Variants in SNTG1 observed in about 807,000 individuals in gnomAD.
SNTG1 encodes the protein gamma-1-syntrophin.
Under a neutral mutation model 74.7 loss-of-function variants are expected in SNTG1, and 39 were observed. The observed-to-expected ratio is 0.52, with a 90% CI of 0.40 to 0.68. SNTG1 has a LOEUF of 0.68. Among genes scored for constraint, SNTG1 ranks in the 30% least tolerant of loss-of-function variants. The pLI is 0.00. For synonymous variants in SNTG1, 254 were observed against 217.1 expected, an observed-to-expected ratio of 1.17 and a Z score of -1.49; for missense variants, 685 against 609.5, an observed-to-expected ratio of 1.12 and a Z score of -1.30.
At chr8:50,117,261 G>A (rs538153259) in intron 1 of SNTG1, among the ~76,000 whole-genome samples, 1 of 152,004 alleles carries the variant, frequency 6.6e-6, no homozygotes, top group African/African-American at 2.4e-5. Flanking sequence ...GACTTGTCAT[G>A]CTGTAAAAAA....
chr8:50,210,737 G>T (rs907020187), intron 2 of SNTG1, among the ~76,000 whole-genome samples: 1 of 152,038 alleles, frequency 6.6e-6, no homozygotes, highest in Admixed American at 6.6e-5. Context: ...AAAACTTAAA[G>T]GATTTTCACT....
chr8:50,536,683 A>T lies in SNTG1; in HGVS notation c.555A>T (p.Thr185=). 6.2e-7 allele frequency: 1 copy of T among 1,613,712 alleles called. No homozygotes were observed. ...AATATTTATCTTCCTTTCAGGACAC[A>T]TTATCATGCTCGTCGTGGCCGACGT... The part of the protein sequence containing the change: ...HLNYHPNNTD[T]LSCSSWPTSP... Residue 185 remains threonine (T), a synonymous_variant, in exon 11 of 19, where the codon ACA becomes ACT. Transcript: ENST00000642720.
intron 18 of SNTG1, among the ~76,000 whole-genome samples, chr8:50,787,564 C>A (rs539078681): frequency 1.3e-5 from 2 of 151,922 alleles, no homozygotes; most frequent in Non-Finnish European, 2.9e-5. Flanking sequence ...ATGTTCACTG[C>A]AGCATTATTC....
At chr8:50,054,433 T>C (rs1819850313) in intron 1 of SNTG1, among the ~76,000 whole-genome samples, 1 of 152,128 alleles carries the variant, frequency 6.6e-6, no homozygotes, top group Non-Finnish European at 1.5e-5. Context: ...TAACCATTAC[T>C]TATCTCCTTA....
At chr8:50,735,875 G>T (rs1457388321) in intron 17 of SNTG1, among the ~76,000 whole-genome samples, 2 of 152,052 alleles carry the variant, frequency 1.3e-5, no homozygotes, top group African/African-American at 4.8e-5. Context: ...CAGAGAGAAA[G>T]GTCGGGTTAC....
chr8:49,974,972 T>G (rs1812056045), intron 1 of SNTG1, among the ~76,000 whole-genome samples: 1 of 151,916 alleles, frequency 6.6e-6, no homozygotes, highest in South Asian at 2.1e-4. Context: ...AGAAAGAACA[T>G]GGAGAGTGCA....
chr8:50,301,206 C>G (rs1243133189), intron 2 of SNTG1, among the ~76,000 whole-genome samples: 1 of 152,088 alleles, frequency 6.6e-6, no homozygotes, highest in Non-Finnish European at 1.5e-5. Context: ...TCACATTACA[C>G]TCATGTCATT....
chr8:50,619,803 C>T (rs1230119942), intron 13 of SNTG1, among the ~76,000 whole-genome samples: 2 of 148,032 alleles, frequency 1.4e-5, no homozygotes, highest in African/African-American at 5.1e-5. Flanking sequence ...ACCCATGCTA[C>T]TAAGACTCCT....
At chr8:50,759,223 G>A (rs1367782550) in intron 18 of SNTG1, among the ~76,000 whole-genome samples, 1 of 151,944 alleles carries the variant, frequency 6.6e-6, no homozygotes, top group African/African-American at 2.4e-5. Flanking sequence ...CTTGTCGGAT[G>A]GATAGATTGC....
At chr8:50,792,315 T>A (rs2095693288) in intron 18 of SNTG1, among the ~76,000 whole-genome samples, 1 of 151,890 alleles carries the variant, frequency 6.6e-6, no homozygotes, top group South Asian at 2.1e-4. Context: ...TCATCTGATG[T>A]GTGCACAAAG....
intron 4 of SNTG1, among the ~76,000 whole-genome samples, chr8:50,428,593 C>T (rs2093193704): frequency 1.3e-5 from 2 of 152,174 alleles, no homozygotes; most frequent in South Asian, 4.1e-4. Flanking sequence ...CTGCTACAAA[C>T]TACAATTTTC....
chr8:50,420,399 T>C (rs987810868), intron 4 of SNTG1, among the ~76,000 whole-genome samples: 1 of 152,014 alleles, frequency 6.6e-6, no homozygotes, highest in Non-Finnish European at 1.5e-5. Flanking sequence ...GGAAAAAAAT[T>C]GTCAATCCAA....
At chr8:49,916,742 A>T (rs1365521003) in intron 1 of SNTG1, among the ~76,000 whole-genome samples, 1 of 152,158 alleles carries the variant, frequency 6.6e-6, no homozygotes, top group African/African-American at 2.4e-5. Flanking sequence ...ACAGTGGCTC[A>T]TGCCTATAAT....
chr8:50,288,182 GA>G (rs2088892018), intron 2 of SNTG1, among the ~76,000 whole-genome samples: 1 of 152,086 alleles, frequency 6.6e-6, no homozygotes, highest in African/African-American at 2.4e-5. Context: ...TATTAGTTCT[GA>G]ATAAGCACGC....
At chr8:50,128,181 C>A (rs1311010649) in intron 1 of SNTG1, among the ~76,000 whole-genome samples, 3 of 152,126 alleles carry the variant, frequency 2.0e-5, no homozygotes, top group Non-Finnish European at 4.4e-5. Flanking sequence ...AAACTACTTG[C>A]TTATCCCAAG....
At chr8:50,287,503 C>T (rs2088850745) in intron 2 of SNTG1, among the ~76,000 whole-genome samples, 1 of 137,412 alleles carries the variant, frequency 7.3e-6, no homozygotes, top group Admixed American at 7.2e-5. Flanking sequence ...CCAACAAGCA[C>T]AAAGGTGCCC....
intron 2 of SNTG1, among the ~76,000 whole-genome samples, chr8:50,204,220 G>T (rs2084105323): frequency 6.6e-6 from 1 of 152,168 alleles, no homozygotes; most frequent in South Asian, 2.1e-4. Flanking sequence ...TTCAAGTGAA[G>T]AACTTTTCAT....
At chr8:50,603,767 T>C (rs890499706) in intron 13 of SNTG1, among the ~76,000 whole-genome samples, 1 of 152,154 alleles carries the variant, frequency 6.6e-6, no homozygotes, top group East Asian at 1.9e-4. Flanking sequence ...TCAGAAGAAT[T>C]ATCTGGTTTT....
At chr8:50,233,970 C>T (rs1337287196) in intron 2 of SNTG1, among the ~76,000 whole-genome samples, 2 of 151,752 alleles carry the variant, frequency 1.3e-5, no homozygotes, top group East Asian at 3.9e-4. Context: ...CATAAAGCCA[C>T]TCTGAAAAAA....
Sources: allele counts gnomAD v4.1 joint callset (sites outside exome capture counted in the v4.1 genomes callset), GRCh38; gene constraint gnomAD v4.1.1; transcripts MANE v1.5; gene names NCBI Gene and HGNC (gene_info 2026-07-23, HGNC 2026-07-21).